Variants in TEC observed in about 807,000 individuals in gnomAD.
TEC encodes the protein tyrosine-protein kinase Tec.
TEC carries 72 observed loss-of-function variants against 93.0 expected under a neutral mutation model. That is an observed-to-expected ratio of 0.77 (90% CI 0.64 to 0.94). TEC has a LOEUF of 0.94. Among genes scored for constraint, TEC ranks in the 40% least tolerant of loss-of-function variants. The pLI, the probability that TEC is intolerant of heterozygous loss-of-function variation, is 0.00. For missense variants in TEC, 630 were observed against 757.9 expected (o/e 0.83, Z 1.98); for synonymous variants, 249 against 247.7 (o/e 1.01, Z -0.05).
Position 48,155,221 on chromosome 4 carries a change from T to C in TEC, c.792+1459A>G, listed in dbSNP as rs115063895. ...ATATGTTTTATGGGAATGAACATTG[T>C]ATCTGACTAGGGAATGTTTCTTCTA... On this transcript the variant is annotated intron_variant, in intron 9 of 17. Coordinates refer to ENST00000381501, the MANE Select transcript of TEC (RefSeq NM_003215.3). 7.2e-3 allele frequency among the ~76,000 whole-genome samples: 1,091 copies of C among 152,346 alleles called. 3 individuals carry two copies. Among genetic ancestry groups the C allele is most frequent in the Middle Eastern group, 0.024 (7 of 294 alleles).
chr4:48,142,638 G>A (rs1719727058), intron 14 of TEC, among the ~76,000 whole-genome samples: 1 of 152,072 alleles, frequency 6.6e-6, no homozygotes, highest in African/African-American at 2.4e-5. Context: ...TTGATAGAAA[G>A]ACGTGGTATT....
chr4:48,159,316 G>A lies in TEC; in HGVS notation c.738-2582C>T, dbSNP rs141479236. ...CCTCAGGCTGCTTCCACTCACGTCC[G>A]AAGATGAAGGGAGCTGGCGTGCAGA... On this transcript the variant is annotated intron_variant, in intron 8 of 17. Transcript: ENST00000381501. Among the ~76,000 whole-genome samples the A allele has an allele frequency of 4.7e-3, 709 of 152,302 alleles. 6 individuals are homozygous for A. The highest frequency in any genetic ancestry group is 0.016 in the African/African-American group (660 of 41,570).
At chr4:48,214,498 AACCATACTTCATGTACCCATACT>A (rs1488896537) in intron 2 of TEC, among the ~76,000 whole-genome samples, 1 of 152,180 alleles carries the variant, frequency 6.6e-6, no homozygotes, top group Non-Finnish European at 1.5e-5. Context: ...ATTCAGTAGA[AACCATACTTCATGTACCCATACT>A]ACCATTCTGT....
intron 9 of TEC, among the ~76,000 whole-genome samples, chr4:48,155,265 G>A (rs1228303823): frequency 6.6e-6 from 1 of 152,226 alleles, no homozygotes; most frequent in African/African-American, 2.4e-5. Flanking sequence ...CAGAGGGCAT[G>A]TAAATCTGCC....
intron 1 of TEC, among the ~76,000 whole-genome samples, chr4:48,262,637 T>G (rs1334468297): frequency 6.6e-6 from 1 of 152,198 alleles, no homozygotes; most frequent in Non-Finnish European, 1.5e-5. Flanking sequence ...AAAACTATAC[T>G]GCCTGGAAAA....
chr4:48,182,842 G>GA (rs1315054315), intron 2 of TEC, among the ~76,000 whole-genome samples: 1 of 152,018 alleles, frequency 6.6e-6, no homozygotes, highest in African/African-American at 2.4e-5. Context: ...AATTAAGTGA[G>GA]AAAAAAATGT....
At chr4:48,150,836 A>G (rs902407884) in intron 10 of TEC, 27 bp downstream of exon 10, 40 of 1,468,820 alleles carry the variant, frequency 2.7e-5, no homozygotes, top group Non-Finnish European at 3.5e-5. Context: ...ACTCTAAATT[A>G]TAAAAAAAAA....
Position 48,141,422 on chromosome 4 carries a change from G to A in TEC, c.1471-3C>T. 6.2e-7 allele frequency: 1 copy of A among 1,613,362 alleles called. No homozygotes were observed. ...CTTACTAGACAATTTCTGGCAGCCT[G>A]GAAAACAACATTATGATGGTATATT... On this transcript the variant is annotated splice_region_variant and splice_polypyrimidine_tract_variant and intron_variant, in intron 14 of 17. Coordinates refer to ENST00000381501, the MANE Select transcript of TEC (RefSeq NM_003215.3).
intron 3 of TEC, among the ~76,000 whole-genome samples, chr4:48,173,060 C>G (rs1168521124): frequency 6.6e-6 from 1 of 152,206 alleles, no homozygotes; most frequent in East Asian, 1.9e-4. Flanking sequence ...ATCATCCATA[C>G]AGCAATCCAG....
chr4:48,198,432 C>T (rs1722378128), intron 2 of TEC, among the ~76,000 whole-genome samples: 1 of 152,226 alleles, frequency 6.6e-6, no homozygotes, highest in South Asian at 2.1e-4. Context: ...TGTCCAGCTA[C>T]CCTGCATTTC....
chr4:48,228,678 C>G lies in TEC; in HGVS notation c.-45-19G>C, dbSNP rs1723559777. ...CAGTATTCTACAGTGAAAAAAGAAA[C>G]AGTTAAAATGTGACAGTTTAATTTT... On this transcript the variant is annotated intron_variant, in intron 1 of 17. Coordinates refer to ENST00000381501, the MANE Select transcript of TEC (RefSeq NM_003215.3). 1.3e-6 allele frequency: 2 copies of G among 1,549,074 alleles called. No individual in the cohort carries two copies. Among genetic ancestry groups the G allele is most frequent in the Middle Eastern group, 1.7e-4 (1 of 5,776 alleles).
chr4:48,138,704 G>A lies in TEC; in HGVS notation c.1773C>T (p.Ser591=). 6.2e-7 allele frequency: 1 copy of A among 1,614,004 alleles called. No individual in the cohort carries two copies. Among genetic ancestry groups the A allele is most frequent in the East Asian group, 2.2e-5 (1 of 44,892 alleles). ...TCAGCATCACCTCATACACATAGTT[G>A]GACGCCAACTTCGGCTGGTAGAGTC... The part of the protein sequence containing the change: ...GHRLYQPKLA[S]NYVYEVMLRC... Residue 591 remains serine (S), a synonymous_variant, in exon 17 of 18, where the codon TCC becomes TCT. Coordinates refer to ENST00000381501, the MANE Select transcript of TEC (RefSeq NM_003215.3).
intron 1 of TEC, among the ~76,000 whole-genome samples, chr4:48,253,180 A>C (rs1724255565): frequency 6.6e-6 from 1 of 152,308 alleles, no homozygotes; most frequent in South Asian, 2.1e-4. Flanking sequence ...TACGTAAGTT[A>C]TCTTACTTTT....
Position 48,136,852 on chromosome 4 carries a change from A to G in TEC, c.*564T>C, listed in dbSNP as rs1456586269. On this transcript the variant is annotated 3_prime_UTR_variant, in exon 18 of 18. Coordinates refer to ENST00000381501, the MANE Select transcript of TEC (RefSeq NM_003215.3). ...TATATTATATATATTTACAATATAT[A>G]CAGCATACAAATATTGTTCATGTAA... is the stretch of plus-strand genomic sequence containing the variant. 2 of 152,038 alleles carry G rather than the reference A, an allele frequency of 1.3e-5. No individual in the cohort carries two copies. The highest frequency in any genetic ancestry group is 2.4e-5 in the African/African-American group (1 of 41,420). The allele number at this position is 152,038 out of a possible 1,614,324, so 9.4% of individuals were successfully genotyped here. A position where few individuals can be genotyped will look rare whatever the true frequency, so the allele number is the denominator to read the frequency against.
chr4:48,231,651 G>C (rs192770938), intron 1 of TEC, among the ~76,000 whole-genome samples: 3 of 152,096 alleles, frequency 2.0e-5, no homozygotes, highest in Non-Finnish European at 1.5e-5. Flanking sequence ...CAGCTACTCG[G>C]GAAGCTGAGG....
intron 1 of TEC, among the ~76,000 whole-genome samples, chr4:48,263,927 G>T (rs1724566163): frequency 6.6e-6 from 1 of 152,146 alleles, no homozygotes; most frequent in African/African-American, 2.4e-5. Context: ...GGGGAAAACA[G>T]CAACACACTG....
intron 1 of TEC, among the ~76,000 whole-genome samples, chr4:48,267,841 T>G (rs1724679760): frequency 6.6e-6 from 1 of 151,796 alleles, no homozygotes; most frequent in Admixed American, 6.6e-5. Flanking sequence ...AGGGGTGGGG[T>G]GGAAGCTAAG....
intron 2 of TEC, among the ~76,000 whole-genome samples, chr4:48,203,313 C>T (rs1029428519): frequency 2.0e-5 from 3 of 149,322 alleles, no homozygotes; most frequent in Non-Finnish European, 4.5e-5. Context: ...TGCAGTGAGC[C>T]GAGATTGCAC....
chr4:48,158,106 C>T (rs1401380310), intron 8 of TEC, among the ~76,000 whole-genome samples: 3 of 152,160 alleles, frequency 2.0e-5, no homozygotes, highest in Admixed American at 6.5e-5. Context: ...TTTCCCAGTA[C>T]TGCTTCAGCC....
Sources: gnomAD v4.1 joint callset for allele counts (sites outside exome capture counted in the v4.1 genomes callset) on GRCh38, gnomAD v4.1.1 for gene constraint, MANE v1.5 for transcripts, NCBI Gene and HGNC (gene_info 2026-07-23, HGNC 2026-07-21) for gene names.